DENND6A: variants seen among roughly 807,000 people sequenced by gnomAD.
The protein encoded by DENND6A is DENN domain containing 6A.
DENND6A carries 43 observed loss-of-function variants against 95.5 expected under a neutral mutation model. That is an observed-to-expected ratio of 0.45 (90% CI 0.35 to 0.58). DENND6A has a LOEUF of 0.58. Ranked by LOEUF, DENND6A falls within the 20% of genes least tolerant of loss-of-function variation. The probability of loss-of-function intolerance (pLI) is 0.00; values close to 1 mark genes in which losing one functional copy is unlikely to be tolerated. For missense variants in DENND6A, 574 were observed against 736.0 expected (o/e 0.78, Z 2.55); for synonymous variants, 257 against 260.4 (o/e 0.99, Z 0.13).
chr3:57,633,383 A>T (rs763449402), intron 14 of DENND6A, 29 bp from the exon 15 acceptor site: 34 of 1,556,824 alleles, frequency 2.2e-5, no homozygotes, highest in Non-Finnish European at 2.9e-5. Flanking sequence ...GAGAATCTGT[A>T]TTCTAGTGTT....
chr3:57,693,055 G>C lies in DENND6A; in HGVS notation c.-37C>G, dbSNP rs927509274. On this transcript the variant is annotated 5_prime_UTR_variant, in exon 1 of 20. Coordinates refer to ENST00000311128, the MANE Select transcript of DENND6A (RefSeq NM_152678.3). Reference sequence around the variant, plus strand: ...TGACCGTTCGCGCCGCCTCCACAGCGGACCGCGCCGCAGAGCGCGCTTGCC... The same window carrying C: ...TGACCGTTCGCGCCGCCTCCACAGCCGACCGCGCCGCAGAGCGCGCTTGCC... 2 of 1,356,488 alleles carry C rather than the reference G, an allele frequency of 1.5e-6. No homozygotes were observed. Among genetic ancestry groups the C allele is most frequent in the South Asian group, 1.8e-5 (1 of 57,116 alleles). The allele number at this position is 1,356,488 out of a possible 1,614,324, so 84.0% of individuals were successfully genotyped here. A position where few individuals can be genotyped will look rare whatever the true frequency, so the allele number is the denominator to read the frequency against.
intron 1 of DENND6A, among the ~76,000 whole-genome samples, chr3:57,683,753 A>G (rs999700927): frequency 3.3e-5 from 5 of 152,190 alleles, no homozygotes; most frequent in Non-Finnish European, 7.3e-5. Context: ...CTAAATAGTA[A>G]ACAACACAGT....
In DENND6A at chr3:57,659,207, T is replaced by C. The variant is rs1431365706; in HGVS notation, c.700-27A>G. The C allele has an allele frequency of 1.9e-6, 3 of 1,612,492 alleles. No individual in the cohort carries two copies. The East Asian group carries it at 6.7e-5, about 36-fold the overall frequency. ...TAAAAGAAAGACAGGAAATTATTTT[T>C]GGTTATAAAAGAATGGAGGATGAGA... On this transcript the variant is annotated intron_variant, in intron 7 of 19. Transcript: ENST00000311128.
intron 15 of DENND6A, among the ~76,000 whole-genome samples, chr3:57,633,037 A>C (rs1249685625): frequency 6.6e-6 from 1 of 152,222 alleles, no homozygotes; most frequent in Admixed American, 6.5e-5. Flanking sequence ...GCCATATTTC[A>C]CAGGTGAGAA....
intron 11 of DENND6A, among the ~76,000 whole-genome samples, chr3:57,644,107 G>A (rs150469413): frequency 1.8e-3 from 265 of 146,068 alleles, no homozygotes; most frequent in African/African-American, 6.6e-3. Flanking sequence ...CCAAGATGGC[G>A]CCATTGCACT....
chr3:57,692,895 C>T lies in DENND6A; in HGVS notation c.124G>A (p.Asp42Asn), dbSNP rs201191205. 12 of 1,570,894 alleles carry T rather than the reference C, an allele frequency of 7.6e-6. No homozygotes were observed. The highest frequency in any genetic ancestry group is 1.4e-5 in the African/African-American group (1 of 71,726). ...LVAAGGAPED[D>N]EEDDGRGRGL... is the part of the protein sequence containing the mutation. ...CGGCCACGGCCATCGTCCTCTTCAT[C>T]GTCCTCTGGCGCGCCTCCCGCCGCC... Residue 42 changes from aspartate (D) to asparagine (N), a missense_variant, in exon 1 of 20, where the codon GAT (aspartate) becomes AAT (asparagine). Asp to Asn is a conservative substitution (Grantham distance 23, BLOSUM62 1). Around this residue, in one of 2 missense-constraint regions of DENND6A, gnomAD observed 122 missense variants for 105.1 expected, o/e 1.16. Transcript: ENST00000311128.
At chr3:57,631,102 A>G (rs2070660951) in intron 15 of DENND6A, 124 bp from the exon 16 acceptor site, 2 of 746,636 alleles carry the variant, frequency 2.7e-6, no homozygotes, top group Non-Finnish European at 4.5e-6. Flanking sequence ...CAACAACTCC[A>G]TCACTCCCCA....
intron 1 of DENND6A, among the ~76,000 whole-genome samples, chr3:57,682,174 G>A (rs911887977): frequency 3.3e-5 from 5 of 150,578 alleles, no homozygotes; most frequent in African/African-American, 9.8e-5. Flanking sequence ...TATATTCTGC[G>A]GGAAGCTGAA....
chr3:57,640,636 C>G (rs2070909386), intron 12 of DENND6A, among the ~76,000 whole-genome samples: 1 of 152,120 alleles, frequency 6.6e-6, no homozygotes, highest in Non-Finnish European at 1.5e-5. Context: ...ATAATCCCAA[C>G]TATTTCAGTG....
At chr3:57,654,097 G>A (rs1366146051) in intron 9 of DENND6A, among the ~76,000 whole-genome samples, 92 of 150,658 alleles carry the variant, frequency 6.1e-4, no homozygotes, top group African/African-American at 2.0e-3. Context: ...ACAGGTGCCC[G>A]CCACCACGCC....
At chr3:57,690,293 C>T (rs961959503) in intron 1 of DENND6A, among the ~76,000 whole-genome samples, 2 of 152,186 alleles carry the variant, frequency 1.3e-5, no homozygotes, top group African/African-American at 4.8e-5. Flanking sequence ...ATCACACTGT[C>T]AGGAGATCGA....
intron 3 of DENND6A, 126 bp downstream of exon 3, chr3:57,672,130 T>C (rs907334537): frequency 3.7e-5 from 34 of 908,444 alleles, no homozygotes; most frequent in African/African-American, 1.2e-4. Flanking sequence ...ATCATTAAAA[T>C]AGGAATAAAA....
rs778481036 is a variant in DENND6A, at chr3:57,657,720, A to C, written c.778T>G (p.Ser260Ala). The change falls in exon 9 of 20, where the codon TCT becomes GCT. Residue 260 changes from serine to alanine, a missense_variant. By Grantham distance (99) the Ser-to-Ala change is moderately conservative. This residue lies in a region of DENND6A where 452 missense variants were observed against 630.9 expected (regional missense o/e 0.72). Coordinates refer to ENST00000311128, the MANE Select transcript of DENND6A (RefSeq NM_152678.3). ...QLTQQVDTNI[S>A]VILPTVHEVD... ...TCATGAACAGTAGGTAAAATAACAG[A>C]TATATTTGTGTCCACCTGAGAGATA... is the stretch of plus-strand genomic sequence containing the variant. 6.3e-7 allele frequency: 1 copy of C among 1,584,304 alleles called. No individual in the cohort carries two copies. The highest frequency in any genetic ancestry group is 8.6e-7 in the Non-Finnish European group (1 of 1,162,196).
chr3:57,667,670 C>G (rs1410103365), intron 3 of DENND6A, among the ~76,000 whole-genome samples: 2 of 152,154 alleles, frequency 1.3e-5, no homozygotes, highest in Non-Finnish European at 2.9e-5. Flanking sequence ...TAGACTGACG[C>G]CAGTCCATAA....
intron 1 of DENND6A, among the ~76,000 whole-genome samples, chr3:57,682,520 C>T (rs193225151): frequency 6.6e-6 from 1 of 152,122 alleles, no homozygotes; most frequent in East Asian, 1.9e-4. Context: ...TTTCTATTGC[C>T]TCTTTTTGTA....
At chr3:57,636,363 A>G (rs1367941596) in intron 12 of DENND6A, among the ~76,000 whole-genome samples, 34 of 152,248 alleles carry the variant, frequency 2.2e-4, no homozygotes, top group African/African-American at 8.0e-4. Flanking sequence ...AAAAAGCAGT[A>G]TCATGGATAC....
At chr3:57,670,836 G>C (rs2153416325) in intron 3 of DENND6A, among the ~76,000 whole-genome samples, 1 of 152,274 alleles carries the variant, frequency 6.6e-6, no homozygotes, top group East Asian at 1.9e-4. Flanking sequence ...CAGAAAGTCA[G>C]TTCATTCTGC....
intron 1 of DENND6A, among the ~76,000 whole-genome samples, chr3:57,683,438 C>T (rs1336152561): frequency 6.6e-6 from 1 of 152,088 alleles, no homozygotes; most frequent in Non-Finnish European, 1.5e-5. Flanking sequence ...AGTTAGAAAC[C>T]CTACCTTCAG....
rs199787173 is a variant in DENND6A at position 57,647,906 on chromosome 3, AG to A, written c.819-1469del. On this transcript the variant is annotated intron_variant, in intron 9 of 19. Transcript: ENST00000311128. ...GAAGAATCAGAGAGTGAGCAGGGTA[AG>A]GAGGGTATCCATGCAGAAGGGAAGC... is the stretch of plus-strand genomic sequence containing the variant. Among the ~76,000 whole-genome samples, 736 of 152,152 alleles carry A rather than the reference AG, an allele frequency of 4.8e-3. 4 individuals are homozygous for A. The highest frequency in any genetic ancestry group is 0.017 in the African/African-American group (698 of 41,484).
Sources: allele counts gnomAD v4.1 joint callset (sites outside exome capture counted in the v4.1 genomes callset), GRCh38; gene constraint gnomAD v4.1.1; regional missense constraint gnomAD v4.1.1; transcripts MANE v1.5; gene names NCBI Gene and HGNC (gene_info 2026-07-23, HGNC 2026-07-21).